Variants in RORA observed in about 807,000 individuals in gnomAD.
RORA encodes RAR related orphan receptor A, also known as nuclear receptor ROR-alpha.
RORA carries 7 observed loss-of-function variants against 69.5 expected under a neutral mutation model. The observed-to-expected ratio is 0.10, with a 90% CI of 0.06 to 0.19. The LOEUF (loss-of-function observed/expected upper bound fraction) is 0.19. RORA is among the 10% of genes least tolerant of loss of function. The probability of loss-of-function intolerance (pLI) is 1.00; values close to 1 mark genes in which losing one functional copy is unlikely to be tolerated. For missense variants in RORA, 457 were observed against 663.0 expected, an observed-to-expected ratio of 0.69 and a Z score of 3.41; for synonymous variants, 261 against 240.8, an observed-to-expected ratio of 1.08 and a Z score of -0.78.
chr15:60,527,520 C>T (rs760569654), intron 3 of RORA, among the ~76,000 whole-genome samples: 3 of 152,200 alleles, frequency 2.0e-5, no homozygotes, highest in Admixed American at 6.5e-5. Flanking sequence ...CCCCAGCTCA[C>T]GTTATGCCCC....
intron 1 of RORA, among the ~76,000 whole-genome samples, chr15:60,774,895 G>A (rs1401796255): frequency 6.6e-6 from 1 of 152,154 alleles, no homozygotes; most frequent in Non-Finnish European, 1.5e-5. Context: ...CTGGAAACTT[G>A]AAAATTTAGG....
intron 1 of RORA, among the ~76,000 whole-genome samples, chr15:60,739,402 C>A (rs568398119): frequency 2.0e-5 from 3 of 152,180 alleles, no homozygotes; most frequent in African/African-American, 7.2e-5. Flanking sequence ...AAAATCCCAT[C>A]TCTACAAGAA....
chr15:60,502,941 GTAGAGA>G, intron 7 of RORA, 74 bp from the exon 8 acceptor site: 1 of 951,922 alleles, frequency 1.1e-6, no homozygotes, highest in South Asian at 1.3e-5. Context: ...AGCTGCTCAT[GTAGAGA>G]CTCCTTCTGC....
chr15:60,656,420 T>C (rs946755212), intron 2 of RORA, among the ~76,000 whole-genome samples: 8 of 152,200 alleles, frequency 5.3e-5, no homozygotes, highest in African/African-American at 7.2e-5. Context: ...ATAACACATG[T>C]ATATAAAAAA....
chr15:60,788,355 G>A (rs1258878444), intron 1 of RORA, among the ~76,000 whole-genome samples: 1 of 152,198 alleles, frequency 6.6e-6, no homozygotes, highest in Non-Finnish European at 1.5e-5. Context: ...CTGGTGGGGT[G>A]GGGAATGCTT....
At position 61,188,598 on chromosome 15, in the gene RORA, T is replaced by C. The variant is rs1047675481; in HGVS notation, c.166+40455A>G. On this transcript the variant is annotated intron_variant, in intron 1 of 10. Transcript: ENST00000335670. ...CTGTTTTAAGAGCACCTACCTCACATTGTCTGAGTAACAACTAGGAAATAA... is the reference window on the plus strand; with the variant it reads ...CTGTTTTAAGAGCACCTACCTCACACTGTCTGAGTAACAACTAGGAAATAA... Among the ~76,000 whole-genome samples the C allele has an allele frequency of 9.2e-5, 14 of 152,150 alleles. No individual in the cohort carries two copies. In the East Asian group the frequency reaches 1.4e-3, roughly 15 times the overall value.
intron 1 of RORA, among the ~76,000 whole-genome samples, chr15:61,113,786 G>A (rs1388717209): frequency 1.3e-5 from 2 of 152,324 alleles, no homozygotes; most frequent in South Asian, 4.1e-4. Context: ...CTGCTTACCA[G>A]TTTGTGAAGC....
At chr15:60,700,412 C>A (rs1191235999) in intron 1 of RORA, among the ~76,000 whole-genome samples, 1 of 152,092 alleles carries the variant, frequency 6.6e-6, no homozygotes, top group Admixed American at 6.5e-5. Flanking sequence ...GGAAGCAGAG[C>A]CAATGTGATG....
intron 1 of RORA, among the ~76,000 whole-genome samples, chr15:60,982,440 T>C (rs986687213): frequency 3.3e-5 from 5 of 152,204 alleles, no homozygotes; most frequent in African/African-American, 1.2e-4. Flanking sequence ...CCAATTGTTA[T>C]CCATTGCCTT....
At chr15:60,639,655 A>C (rs1272989437) in intron 2 of RORA, among the ~76,000 whole-genome samples, 1 of 152,196 alleles carries the variant, frequency 6.6e-6, no homozygotes, top group African/African-American at 2.4e-5. Flanking sequence ...AATATAGAAA[A>C]GTTGTCATCG....
intron 1 of RORA, among the ~76,000 whole-genome samples, chr15:61,162,638 G>A (rs2079505362): frequency 6.6e-6 from 1 of 152,140 alleles, no homozygotes; most frequent in Non-Finnish European, 1.5e-5. Flanking sequence ...CAAACCAGCT[G>A]CCTCTTACTA....
At chr15:61,081,843 G>A (rs1282731482) in intron 1 of RORA, among the ~76,000 whole-genome samples, 7 of 151,546 alleles carry the variant, frequency 4.6e-5, no homozygotes, top group Non-Finnish European at 8.8e-5. Flanking sequence ...AAAGCTAAGT[G>A]GAACCTATAC....
At chr15:60,751,904 C>T (rs533849068) in intron 1 of RORA, among the ~76,000 whole-genome samples, 1 of 152,152 alleles carries the variant, frequency 6.6e-6, no homozygotes, top group South Asian at 2.1e-4. Context: ...TATTTCTCAC[C>T]CCTATGACTC....
At chr15:60,690,213 G>A (rs1379367937) in intron 1 of RORA, among the ~76,000 whole-genome samples, 3 of 152,156 alleles carry the variant, frequency 2.0e-5, no homozygotes, top group Non-Finnish European at 4.4e-5. Flanking sequence ...GTTTTAGATG[G>A]ACACATAGCC....
At chr15:60,778,505 C>T (rs760228923) in intron 1 of RORA, among the ~76,000 whole-genome samples, 14 of 152,100 alleles carry the variant, frequency 9.2e-5, no homozygotes, top group Admixed American at 7.2e-4. Context: ...TTGCTGTTGA[C>T]AACAGGATGG....
At chr15:60,516,195 ATT>A (rs1567052443) in intron 3 of RORA, among the ~76,000 whole-genome samples, 152 of 15,146 alleles carry the variant, frequency 0.01, 7 homozygotes, top group African/African-American at 0.043. Flanking sequence ...TTATATATAT[ATT>A]TATATATATA....
intron 1 of RORA, among the ~76,000 whole-genome samples, chr15:61,227,152 G>A (rs1363842567): frequency 6.6e-6 from 1 of 151,236 alleles, no homozygotes; most frequent in African/African-American, 2.4e-5. Context: ...GAAGGAGAAA[G>A]GTGGCAGCAC....
chr15:60,823,551 T>C (rs917193424), intron 1 of RORA, among the ~76,000 whole-genome samples: 1 of 152,196 alleles, frequency 6.6e-6, no homozygotes, highest in Admixed American at 6.5e-5. Flanking sequence ...ATACACATAA[T>C]CAACAAATGG....
intron 1 of RORA, among the ~76,000 whole-genome samples, chr15:61,024,537 A>C (rs78901410): frequency 0.038 from 5,545 of 146,844 alleles, 224 homozygotes; most frequent in East Asian, 0.22. Context: ...TGTAACCTCC[A>C]CCTCCTGAGT....
Sources: gnomAD v4.1 joint callset for allele counts (sites outside exome capture counted in the v4.1 genomes callset) on GRCh38, gnomAD v4.1.1 for gene constraint, MANE v1.5 for transcripts, NCBI Gene and HGNC (gene_info 2026-07-23, HGNC 2026-07-21) for gene names.